The following BACH2 variants were observed in gnomAD, a reference collection of about 807,000 sequenced individuals.
The protein encoded by BACH2 is transcription regulator protein BACH2.
Under a neutral mutation model 61.8 loss-of-function variants are expected in BACH2, and 5 were observed. The ratio of observed to expected loss-of-function variants is 0.08; its 90% CI spans 0.04 to 0.17. BACH2 has a LOEUF of 0.17. Ranked by LOEUF, BACH2 falls within the 10% of genes least tolerant of loss-of-function variation. The probability of loss-of-function intolerance (pLI) is 1.00; values close to 1 mark genes in which losing one functional copy is unlikely to be tolerated. For missense variants in BACH2, 824 were observed against 1,091.1 expected (o/e 0.76, Z 3.45); for synonymous variants, 446 against 440.1 (o/e 1.01, Z -0.17).
intron 6 of BACH2, among the ~76,000 whole-genome samples, chr6:89,959,680 T>A (rs1418116652): frequency 1.3e-5 from 2 of 152,300 alleles, no homozygotes; most frequent in East Asian, 3.9e-4. Context: ...ACTGAAATAG[T>A]CCTTACCAAC....
chr6:89,956,006 A>C (rs1774405832), intron 6 of BACH2, among the ~76,000 whole-genome samples: 1 of 152,202 alleles, frequency 6.6e-6, no homozygotes, highest in Non-Finnish European at 1.5e-5. Context: ...CAACTCACTG[A>C]TGTTAATGGA....
At chr6:90,173,428 G>C (rs1445587543) in intron 4 of BACH2, among the ~76,000 whole-genome samples, 1 of 152,050 alleles carries the variant, frequency 6.6e-6, no homozygotes, top group Non-Finnish European at 1.5e-5. Context: ...CTTGTGAATA[G>C]CTAAAAAACA....
chr6:90,186,988 G>T (rs1450723003), intron 4 of BACH2, among the ~76,000 whole-genome samples: 1 of 152,102 alleles, frequency 6.6e-6, no homozygotes, highest in Non-Finnish European at 1.5e-5. Context: ...ATGAATAATC[G>T]CAATTATGCC....
Position 90,276,818 on chromosome 6 carries a change from T to C in BACH2, c.-445-4877A>G, listed in dbSNP as rs144472906. ...CCAATCACACCTTAGTTTTCCACTA[T>C]CACCTGCTAAAAGTTCTCTTGAAGA... On this transcript the variant is annotated intron_variant, in intron 1 of 8. Coordinates refer to ENST00000257749, the MANE Select transcript of BACH2 (RefSeq NM_021813.4). Among the ~76,000 whole-genome samples, 409 of 152,244 alleles carry C rather than the reference T, an allele frequency of 2.7e-3. 1 individual carries two copies. The highest frequency in any genetic ancestry group is 4.1e-3 in the Non-Finnish European group (280 of 68,002).
intron 4 of BACH2, among the ~76,000 whole-genome samples, chr6:90,118,923 A>C (rs1051691274): frequency 1.3e-5 from 2 of 152,150 alleles, no homozygotes; most frequent in Non-Finnish European, 2.9e-5. Context: ...TAAACCCAAT[A>C]CCATAAAATG....
intron 4 of BACH2, among the ~76,000 whole-genome samples, chr6:90,166,332 A>G (rs565757869): frequency 3.9e-4 from 60 of 152,162 alleles, no homozygotes; most frequent in African/African-American, 1.3e-3. Context: ...CATCAGAGAA[A>G]TGCAAATCAA....
intron 4 of BACH2, among the ~76,000 whole-genome samples, chr6:90,137,910 A>C (rs751633720): frequency 6.6e-6 from 1 of 151,906 alleles, no homozygotes; most frequent in African/African-American, 2.4e-5. Flanking sequence ...GCTTAGATTG[A>C]CTCTGTGTGA....
intron 4 of BACH2, among the ~76,000 whole-genome samples, chr6:90,170,634 T>C (rs1767781018): frequency 6.6e-6 from 1 of 152,234 alleles, no homozygotes; most frequent in African/African-American, 2.4e-5. Flanking sequence ...AGGTAAAATA[T>C]GATTCTATTG....
intron 3 of BACH2, among the ~76,000 whole-genome samples, chr6:90,222,843 C>T (rs1769780519): frequency 6.6e-6 from 1 of 152,088 alleles, no homozygotes; most frequent in Admixed American, 6.5e-5. Context: ...ACTGCTCTGT[C>T]CTTAGTCATC....
chr6:90,243,046 ATTTTTTT>A (rs397886318), intron 3 of BACH2, among the ~76,000 whole-genome samples: 15 of 101,230 alleles, frequency 1.5e-4, no homozygotes, highest in Admixed American at 3.3e-4. Context: ...TGCCCGGCTA[ATTTTTTT>A]TTTTTTTTTT....
intron 7 of BACH2, among the ~76,000 whole-genome samples, chr6:89,946,849 A>G (rs1773755117): frequency 6.6e-6 from 1 of 152,188 alleles, no homozygotes; most frequent in Admixed American, 6.5e-5. Flanking sequence ...TGTCATTTTA[A>G]AAAGCTGATT....
intron 3 of BACH2, among the ~76,000 whole-genome samples, chr6:90,245,717 G>T (rs149833061): frequency 6.6e-6 from 1 of 152,322 alleles, no homozygotes; most frequent in African/African-American, 2.4e-5. Flanking sequence ...TGAACTTCAA[G>T]AACTAGCTAT....
At chr6:90,290,961 G>A (rs1033162397) in intron 1 of BACH2, among the ~76,000 whole-genome samples, 34 of 152,174 alleles carry the variant, frequency 2.2e-4, no homozygotes, top group African/African-American at 8.2e-4. Context: ...GCTTAGGAAA[G>A]GAGCCAATGA....
At chr6:90,281,757 T>C (rs963766086) in intron 1 of BACH2, among the ~76,000 whole-genome samples, 1 of 152,214 alleles carries the variant, frequency 6.6e-6, no homozygotes, top group Non-Finnish European at 1.5e-5. Context: ...CAAACACATA[T>C]AGAATGTATT....
intron 1 of BACH2, among the ~76,000 whole-genome samples, chr6:90,290,329 C>A (rs1772140792): frequency 6.6e-6 from 1 of 152,234 alleles, no homozygotes; most frequent in Non-Finnish European, 1.5e-5. Flanking sequence ...CTGTTACTAA[C>A]TGATCAGTGC....
Position 89,951,187 on chromosome 6 carries a change from C to T in BACH2, c.919G>A (p.Val307Ile). 1 of 1,613,898 alleles carries T rather than the reference C, an allele frequency of 6.2e-7. No individual in the cohort carries two copies. The highest frequency in any genetic ancestry group is 8.5e-7 in the Non-Finnish European group (1 of 1,180,018). Residue 307 changes from valine to isoleucine, a missense_variant, in exon 7 of 9, where the codon GTC becomes ATC. By Grantham distance (29) the Val-to-Ile change is conservative. Transcript: ENST00000257749. The surrounding 1 kb of genome is among the most constrained non-coding windows in gnomAD (Gnocchi z 6.4). ...EPDAKDRAGDVEMDRKQPSPA... is the reference protein window; with the variant it reads ...EPDAKDRAGDIEMDRKQPSPA... ...CTGGGCTGTTTCCGGTCCATCTCGA[C>T]ATCCCCCGCTCTGTCCTTGGCGTCA...
chr6:90,014,835 G>C (rs959883371), intron 5 of BACH2, among the ~76,000 whole-genome samples: 1 of 151,924 alleles, frequency 6.6e-6, no homozygotes, highest in Non-Finnish European at 1.5e-5. Flanking sequence ...CTGGAGTGCA[G>C]TGGCGTGATC....
intron 4 of BACH2, among the ~76,000 whole-genome samples, chr6:90,196,542 T>G (rs1052792556): frequency 6.6e-6 from 1 of 152,210 alleles, no homozygotes; most frequent in Non-Finnish European, 1.5e-5. Flanking sequence ...TCATCCCAAA[T>G]GCCGTAATCC....
rs372625271 is a variant in BACH2 at position 90,168,380 on chromosome 6, T to C, written c.-162+38189A>G. 1.4e-4 allele frequency among the ~76,000 whole-genome samples: 22 copies of C among 152,314 alleles called. No individual in the cohort carries two copies. In the East Asian group the frequency reaches 3.1e-3, roughly 21 times the overall value. ...TAACTAAACCTCTAACATTAAAGGATTGGTTAAAAAACATGGAAATTCAAA... is the reference window on the plus strand; with the variant it reads ...TAACTAAACCTCTAACATTAAAGGACTGGTTAAAAAACATGGAAATTCAAA... On this transcript the variant is annotated intron_variant, in intron 4 of 8. Transcript: ENST00000257749.
Sources: allele counts gnomAD v4.1 joint callset (sites outside exome capture counted in the v4.1 genomes callset), GRCh38; gene constraint gnomAD v4.1.1; non-coding constraint Gnocchi (gnomAD v3.1); transcripts MANE v1.5; gene names NCBI Gene and HGNC (gene_info 2026-07-23, HGNC 2026-07-21).